The following MYB variants were observed in gnomAD, a reference collection of about 807,000 sequenced individuals.
MYB encodes the protein MYB proto-oncogene, transcription factor.
In MYB, 28 loss-of-function variants were observed where a neutral mutation model predicts 92.9. That is an observed-to-expected ratio of 0.30 (90% CI 0.22 to 0.41). MYB has a LOEUF of 0.41. Among genes scored for constraint, MYB ranks in the 10% least tolerant of loss-of-function variants. The probability of loss-of-function intolerance (pLI) is 1.00; values close to 1 mark genes in which losing one functional copy is unlikely to be tolerated. For missense variants in MYB, 679 were observed against 929.3 expected (o/e 0.73, Z 3.50); for synonymous variants, 295 against 329.1 (o/e 0.90, Z 1.12).
In MYB at chr6:135,201,520, G is replaced by A. The variant is rs943074098; in HGVS notation, c.1951-119G>A. The A allele has an allele frequency of 7.1e-6, 4 of 560,622 alleles. No individual in the cohort carries two copies. In the South Asian group the frequency reaches 1.2e-4, roughly 16 times the overall value. 34.7% of individuals were successfully genotyped at this position (560,622 alleles called of 1,614,324 possible). A position where few individuals can be genotyped will look rare whatever the true frequency, so the allele number is the denominator to read the frequency against. On this transcript the variant is annotated intron_variant, in intron 13 of 15. Coordinates refer to ENST00000341911, the MANE Select transcript of MYB (RefSeq NM_001130173.2). ...AGATAGAGCAAATTGAGCTGATAGT[G>A]TAAGTTAGCAACATAGTTTTATAAA...
intron 12 of MYB, 41 bp downstream of exon 12, chr6:135,200,240 G>C: frequency 1.9e-6 from 3 of 1,613,906 alleles, no homozygotes; most frequent in Non-Finnish European, 2.5e-6. Flanking sequence ...TGGTTTATTA[G>C]TCCCATTAGG....
chr6:135,186,078 A>C, intron 2 of MYB, 58 bp downstream of exon 2: 2 of 1,468,290 alleles, frequency 1.4e-6, no homozygotes, highest in Middle Eastern at 1.8e-4. Flanking sequence ...TTTATAAAAA[A>C]CAAAATTTCA....
rs575790097 is a variant in MYB, at chr6:135,195,640, C to G, written c.949-108C>G. On this transcript the variant is annotated intron_variant, in intron 8 of 15. Coordinates refer to ENST00000341911, the MANE Select transcript of MYB (RefSeq NM_001130173.2). Reference sequence around the variant, plus strand: ...GTAAGTTTGGGATGATGCAACTACTCTTATCTTTCCTCCAACAGCATCTGA... The same window carrying G: ...GTAAGTTTGGGATGATGCAACTACTGTTATCTTTCCTCCAACAGCATCTGA... 1.0e-5 allele frequency: 13 copies of G among 1,292,946 alleles called. No homozygotes were observed. In the South Asian group the frequency reaches 1.7e-4, roughly 17 times the overall value. The allele number at this position is 1,292,946 out of a possible 1,614,324, so 80.1% of individuals were successfully genotyped here. A position where few individuals can be genotyped will look rare whatever the true frequency, so the allele number is the denominator to read the frequency against.
rs1172634373 is a variant in MYB at position 135,199,021 on chromosome 6, G to C, written c.1680G>C (p.Gln560His). ...LTVTTPFHRD[Q>H]TVKTQKENTV... ...TTACAACACCATTTCATAGAGACCA[G>C]ACTGTGAAAACTCAAAAGGAAAATA... The change falls in exon 11 of 16, where the codon CAG (glutamine) becomes CAC (histidine). Residue 560 changes from glutamine to histidine, a missense_variant. Transcript: ENST00000341911. The C allele has an allele frequency of 1.9e-6, 3 of 1,607,336 alleles. No individual in the cohort carries two copies. The highest frequency in any genetic ancestry group is 2.5e-6 in the Non-Finnish European group (3 of 1,177,142).
chr6:135,187,707 A>C (rs1209290946), intron 2 of MYB, 127 bp from the exon 3 acceptor site: 1 of 493,916 alleles, frequency 2.0e-6, no homozygotes, highest in Non-Finnish European at 3.5e-6. Context: ...ATATTACATT[A>C]ATATCTCCTG....
At chr6:135,210,446 A>G (rs1196152105) in intron 15 of MYB, among the ~76,000 whole-genome samples, 1 of 152,232 alleles carries the variant, frequency 6.6e-6, no homozygotes, top group Non-Finnish European at 1.5e-5. Flanking sequence ...ACACATTTAC[A>G]CAGTATCAAA....
intron 13 of MYB, among the ~76,000 whole-genome samples, 173 bp from the exon 14 acceptor site, chr6:135,201,466 G>A (rs1778079791): frequency 6.6e-6 from 1 of 152,198 alleles, no homozygotes; most frequent in South Asian, 2.1e-4. Context: ...TTTCAAATTT[G>A]CCATCAGTGT....
rs1282115352 is a variant in MYB at position 135,204,286 on chromosome 6, A to AG, written c.2169+965dup. 4.6e-5 allele frequency among the ~76,000 whole-genome samples: 7 copies of AG among 152,262 alleles called. No homozygotes were observed. In the East Asian group the frequency reaches 1.4e-3, roughly 29 times the overall value. Reference sequence around the variant, plus strand: ...AAGTATTTGTGATGCTTAGTTTTTCAGGGTTTTTTGTTGATGTTGCTTTGT... The same window carrying AG: ...AAGTATTTGTGATGCTTAGTTTTTCAGGGGTTTTTTGTTGATGTTGCTTTGT... On this transcript the variant is annotated intron_variant, in intron 15 of 15. Coordinates refer to ENST00000341911, the MANE Select transcript of MYB (RefSeq NM_001130173.2).
intron 8 of MYB, chr6:135,194,904 A>G: frequency 7.8e-7 from 1 of 1,286,120 alleles, no homozygotes; most frequent in Non-Finnish European, 1.0e-6. Context: ...AAGGTTATAT[A>G]TAAAACCTCT....
In MYB at chr6:135,198,991, G is replaced by A; in HGVS notation, c.1650G>A (p.Leu550=). 6.2e-7 allele frequency: 1 copy of A among 1,612,060 alleles called. No individual in the cohort carries two copies. The highest frequency in any genetic ancestry group is 8.5e-7 in the Non-Finnish European group (1 of 1,178,472). ...LTSTPLIGHK[L]TVTTPFHRDQ... The stretch of plus-strand genomic sequence containing the variant: ...CCACCCCCCTCATTGGTCACAAATT[G>A]ACTGTTACAACACCATTTCATAGAG... Residue 550 remains leucine (L), a synonymous_variant, in exon 11 of 16, where the codon TTG becomes TTA. Transcript: ENST00000341911.
chr6:135,200,621 T>A (rs1777936749), intron 13 of MYB: 1 of 689,052 alleles, frequency 1.5e-6, no homozygotes, highest in South Asian at 1.5e-5. Flanking sequence ...TCTATCTACT[T>A]CATGTTTGGA....
In MYB at chr6:135,218,034, T is replaced by C. The variant is rs1780692498; in HGVS notation, c.*54T>C. On this transcript the variant is annotated 3_prime_UTR_variant, in exon 16 of 16. Transcript: ENST00000341911. ...CAGAACACTTCAAGTTGACTTGGGA[T>C]ATATCATTCCTCAACATGAAACTTT... is the stretch of plus-strand genomic sequence containing the variant. 1.5e-6 allele frequency: 2 copies of C among 1,371,694 alleles called. No homozygotes were observed. Among genetic ancestry groups the C allele is most frequent in the Non-Finnish European group, 2.1e-6 (2 of 960,148 alleles). The allele number at this position is 1,371,694 out of a possible 1,614,324, so 85.0% of individuals were successfully genotyped here. A position where few individuals can be genotyped will look rare whatever the true frequency, so the allele number is the denominator to read the frequency against.
At position 135,187,154 on chromosome 6, in the gene MYB, TAGG is replaced by T. The variant is rs59468420; in HGVS notation, c.142-678_142-676del. Among the ~76,000 whole-genome samples the T allele has an allele frequency of 3.3e-3, 496 of 152,346 alleles. 2 individuals are homozygous for T. The highest frequency in any genetic ancestry group is 0.012 in the African/African-American group (483 of 41,586). On this transcript the variant is annotated intron_variant, in intron 2 of 15. Coordinates refer to ENST00000341911, the MANE Select transcript of MYB (RefSeq NM_001130173.2). ...ATGCATTTATATACTTATGAACTGG[TAGG>T]ATTGTGAACAGCATATAAACTAAAA...
At chr6:135,198,690 T>C (rs1777660147) in intron 10 of MYB, among the ~76,000 whole-genome samples, 1 of 152,264 alleles carries the variant, frequency 6.6e-6, no homozygotes, top group Non-Finnish European at 1.5e-5. Flanking sequence ...TTTTCAGCAA[T>C]GACCCTAAAT....
At chr6:135,204,583 G>A (rs2128308514) in intron 15 of MYB, among the ~76,000 whole-genome samples, 1 of 152,320 alleles carries the variant, frequency 6.6e-6, no homozygotes, top group Non-Finnish European at 1.5e-5. Flanking sequence ...GATTACAGGT[G>A]TGAGCTACCG....
At chr6:135,195,238 CT>C in intron 8 of MYB, 1 of 449,678 alleles carries the variant, frequency 2.2e-6, no homozygotes, top group South Asian at 2.4e-5. Context: ...TGCTCTTCTG[CT>C]TTCCTAACCA....
chr6:135,208,392 A>AT (rs1429359456), intron 15 of MYB, among the ~76,000 whole-genome samples: 1 of 117,414 alleles, frequency 8.5e-6, no homozygotes, highest in Admixed American at 8.4e-5. Flanking sequence ...TTTATTTTTT[A>AT]TTTTTTTGAG....
chr6:135,185,648 C>T (rs1562362619), intron 1 of MYB, among the ~76,000 whole-genome samples: 1 of 152,198 alleles, frequency 6.6e-6, no homozygotes, highest in African/African-American at 2.4e-5. Context: ...CTAATAGTAA[C>T]AGCAGGTTCA....
chr6:135,193,819 T>C lies in MYB; in HGVS notation c.763-19T>C, dbSNP rs754240226. On this transcript the variant is annotated intron_variant, in intron 6 of 15. Coordinates refer to ENST00000341911, the MANE Select transcript of MYB (RefSeq NM_001130173.2). ...GTAGCCCTGAATGACGTGGCCTTTG[T>C]TTTGTCTTTTGCATCTAGGTCTCCA... 2.9e-5 allele frequency: 46 copies of C among 1,585,088 alleles called. No individual in the cohort carries two copies. The highest frequency in any genetic ancestry group is 3.8e-5 in the Non-Finnish European group (44 of 1,154,704).
Sources: gnomAD v4.1 joint callset for allele counts (sites outside exome capture counted in the v4.1 genomes callset) on GRCh38, gnomAD v4.1.1 for gene constraint, MANE v1.5 for transcripts, NCBI Gene and HGNC (gene_info 2026-07-23, HGNC 2026-07-21) for gene names.